Variants in INPP5A observed in about 807,000 individuals in gnomAD.
The protein encoded by INPP5A is inositol polyphosphate-5-phosphatase A, also known as 43 kDa inositol polyphosphate 5-phophatase.
A neutral mutation model predicts 65.2 loss-of-function variants in INPP5A; 14 were observed. The ratio of observed to expected loss-of-function variants is 0.21; its 90% confidence interval spans 0.14 to 0.34. The LOEUF is 0.34. Among genes scored for constraint, INPP5A ranks in the 10% least tolerant of loss-of-function variants. The pLI, the probability that INPP5A is intolerant of heterozygous loss-of-function variation, is 1.00. For missense variants in INPP5A, 431 were observed against 545.6 expected, an observed-to-expected ratio of 0.79 and a Z score of 2.09; for synonymous variants, 207 against 208.3, an observed-to-expected ratio of 0.99 and a Z score of 0.05.
At chr10:132,612,159 A>G (rs1429259480) in intron 2 of INPP5A, among the ~76,000 whole-genome samples, 4 of 136,706 alleles carry the variant, frequency 2.9e-5, no homozygotes, top group Non-Finnish European at 4.7e-5. Flanking sequence ...TTCGTGGGAG[A>G]GGCCCTGTCA....
chr10:132,625,840 C>CTGTGTGTGTGTG (rs139839964), intron 2 of INPP5A, among the ~76,000 whole-genome samples: 21 of 146,692 alleles, frequency 1.4e-4, no homozygotes, highest in Non-Finnish European at 2.7e-4. Context: ...GGCAGGACTT[C>CTGTGTGTGTGTG]TGTGTGTGTG....
intron 4 of INPP5A, among the ~76,000 whole-genome samples, chr10:132,671,281 A>G (rs2072886411): frequency 6.6e-6 from 1 of 151,966 alleles, no homozygotes. Context: ...CAGATGACTT[A>G]GGAGTGGAGA....
At chr10:132,667,217 C>G (rs1440181415) in intron 4 of INPP5A, among the ~76,000 whole-genome samples, 1 of 152,344 alleles carries the variant, frequency 6.6e-6, no homozygotes, top group South Asian at 2.1e-4. Flanking sequence ...TTGTCTAAGC[C>G]GCAGCCCCTT....
chr10:132,684,912 G>T (rs1353311897), intron 4 of INPP5A, among the ~76,000 whole-genome samples: 1 of 152,242 alleles, frequency 6.6e-6, no homozygotes, highest in African/African-American at 2.4e-5. Flanking sequence ...TGGGGAAGGA[G>T]TGGGCTGCGT....
chr10:132,657,362 G>T (rs1045071526), intron 4 of INPP5A, among the ~76,000 whole-genome samples: 1 of 152,254 alleles, frequency 6.6e-6, no homozygotes, highest in Non-Finnish European at 1.5e-5. Flanking sequence ...TGGCTTCTAG[G>T]CTTTTCCAGG....
Position 132,760,253 on chromosome 10 carries a change from C to G in INPP5A, c.904-5520C>G, listed in dbSNP as rs190334734. Among the ~76,000 whole-genome samples the G allele has an allele frequency of 2.6e-5, 4 of 152,326 alleles. No homozygotes were observed. The East Asian group carries it at 7.7e-4, about 29-fold the overall frequency. ...GGCACAGCCCGGGCCTGGCTGCAGCCCAGACAGGCACAGGGCCAGCACCGA... is the reference window on the plus strand; with the variant it reads ...GGCACAGCCCGGGCCTGGCTGCAGCGCAGACAGGCACAGGGCCAGCACCGA... On this transcript the variant is annotated intron_variant, in intron 11 of 15. Coordinates refer to ENST00000368594, the MANE Select transcript of INPP5A (RefSeq NM_005539.5).
intron 9 of INPP5A, among the ~76,000 whole-genome samples, chr10:132,729,249 G>A (rs1056618710): frequency 4.6e-5 from 7 of 152,170 alleles, no homozygotes; most frequent in Non-Finnish European, 7.4e-5. Context: ...CAGGGGCCTC[G>A]GGAGCCGGCC....
intron 11 of INPP5A, among the ~76,000 whole-genome samples, chr10:132,760,338 C>T (rs936604513): frequency 1.3e-5 from 2 of 152,210 alleles, no homozygotes; most frequent in African/African-American, 4.8e-5. Flanking sequence ...GAGCCAGGGT[C>T]GGACGCTGTG....
At chr10:132,708,390 A>T in intron 7 of INPP5A, 25 bp downstream of exon 7, 1 of 1,608,604 alleles carries the variant, frequency 6.2e-7, no homozygotes, top group Non-Finnish European at 8.5e-7. Flanking sequence ...TGCTTTGTCA[A>T]TTTCCATAAC....
intron 4 of INPP5A, among the ~76,000 whole-genome samples, chr10:132,671,199 T>C (rs1305719677): frequency 6.6e-6 from 1 of 152,080 alleles, no homozygotes; most frequent in Non-Finnish European, 1.5e-5. Flanking sequence ...ATTGGGACAG[T>C]GGGTCACACT....
intron 4 of INPP5A, among the ~76,000 whole-genome samples, chr10:132,667,775 G>A (rs970374409): frequency 2.6e-5 from 4 of 152,178 alleles, no homozygotes; most frequent in Non-Finnish European, 5.9e-5. Flanking sequence ...TCAGGGGGCC[G>A]TGTGCGCTGC....
At chr10:132,738,589 G>A (rs1036345594) in intron 9 of INPP5A, among the ~76,000 whole-genome samples, 3 of 152,238 alleles carry the variant, frequency 2.0e-5, no homozygotes, top group Non-Finnish European at 2.9e-5. Context: ...AAAGAGACCC[G>A]CCGCCTTCTT....
chr10:132,646,897 G>T (rs2072502950), intron 3 of INPP5A, among the ~76,000 whole-genome samples: 2 of 152,230 alleles, frequency 1.3e-5, no homozygotes, highest in South Asian at 4.1e-4. Context: ...CCGGAGTCGG[G>T]ACCTGTGGGC....
intron 4 of INPP5A, among the ~76,000 whole-genome samples, chr10:132,679,939 A>G (rs1342795438): frequency 6.6e-6 from 1 of 152,256 alleles, no homozygotes; most frequent in Non-Finnish European, 1.5e-5. Flanking sequence ...TTGGCCCCTC[A>G]CATTACATTG....
At chr10:132,563,861 C>T (rs2071238200) in intron 1 of INPP5A, among the ~76,000 whole-genome samples, 1 of 152,162 alleles carries the variant, frequency 6.6e-6, no homozygotes, top group Admixed American at 6.5e-5. Context: ...GGGCCGGTTG[C>T]CAGGGAGGCG....
At chr10:132,556,822 C>T (rs572450493) in intron 1 of INPP5A, among the ~76,000 whole-genome samples, 1 of 151,714 alleles carries the variant, frequency 6.6e-6, no homozygotes, top group African/African-American at 2.4e-5. Flanking sequence ...AACTTTGGAG[C>T]CCTTGCAGAT....
intron 4 of INPP5A, among the ~76,000 whole-genome samples, chr10:132,666,237 C>T (rs2072800622): frequency 6.6e-6 from 1 of 152,070 alleles, no homozygotes; most frequent in African/African-American, 2.4e-5. Flanking sequence ...AATTCATAGT[C>T]AGGGATATTT....
Position 132,616,724 on chromosome 10 carries a change from A to G in INPP5A, c.117+8768A>G, listed in dbSNP as rs546703209. 3.4e-5 allele frequency among the ~76,000 whole-genome samples: 5 copies of G among 147,824 alleles called. No homozygotes were observed. The highest frequency in any genetic ancestry group is 2.0e-4 in the Admixed American group (3 of 14,862). On this transcript the variant is annotated intron_variant, in intron 2 of 15. Coordinates refer to ENST00000368594, the MANE Select transcript of INPP5A (RefSeq NM_005539.5). This position sits in a 1 kb window ranked among gnomAD's most constrained non-coding sequence, Gnocchi z 4.9. ...GCGTGGAGGATGCAGTGTGGGGGAC[A>G]TGGTGACATGGCGATGTGTCATGTG...
Position 132,675,721 on chromosome 10 carries a change from A to G in INPP5A, c.307-14671A>G, listed in dbSNP as rs570489543. ...ATTTCTGGGGACCGGGAACTAAGGT[A>G]AATTATTTGAAACAGAAGTAGATGG... On this transcript the variant is annotated intron_variant, in intron 4 of 15. Coordinates refer to ENST00000368594, the MANE Select transcript of INPP5A (RefSeq NM_005539.5). The surrounding 1 kb of genome is among the most constrained non-coding windows in gnomAD (Gnocchi z 4.2). Among the ~76,000 whole-genome samples, 36 of 152,346 alleles carry G rather than the reference A, an allele frequency of 2.4e-4. No homozygotes were observed. The highest frequency in any genetic ancestry group is 8.2e-4 in the African/African-American group (34 of 41,586).
Sources: gnomAD v4.1 joint callset for allele counts (sites outside exome capture counted in the v4.1 genomes callset) on GRCh38, gnomAD v4.1.1 for gene constraint, Gnocchi (gnomAD v3.1) non-coding constraint, MANE v1.5 for transcripts, NCBI Gene and HGNC (gene_info 2026-07-23, HGNC 2026-07-21) for gene names.